PIN1: variants seen among roughly 807,000 people sequenced by gnomAD.
The protein encoded by PIN1 is peptidylprolyl cis/trans isomerase, NIMA-interacting 1.
A neutral mutation model predicts 19.9 loss-of-function variants in PIN1; 8 were observed. The ratio of observed to expected loss-of-function variants is 0.40; its 90% CI spans 0.24 to 0.72. PIN1 has a LOEUF of 0.72. PIN1 is among the 30% of genes least tolerant of loss of function. The pLI is 0.37. For synonymous variants in PIN1, 86 were observed against 90.8 expected, an observed-to-expected ratio of 0.95 and a Z score of 0.30; for missense variants, 185 against 226.5, an observed-to-expected ratio of 0.82 and a Z score of 1.18.
chr19:9,835,741 A>G lies in PIN1; in HGVS notation c.58+339A>G, dbSNP rs548854574. On this transcript the variant is annotated intron_variant, in intron 1 of 3. Transcript: ENST00000247970. ...TCTGCACCTTGCTGGGCCCGGGGGC[A>G]CCCCTGGGAGGGAGACACCCCAGTA... The G allele has an allele frequency of 4.1e-4, 141 of 342,868 alleles. 1 individual carries two copies. The highest frequency in any genetic ancestry group is 2.4e-3 in the South Asian group (40 of 16,700). 21.2% of individuals were successfully genotyped at this position (342,868 alleles called of 1,614,324 possible). A position where few individuals can be genotyped will look rare whatever the true frequency, so the allele number is the denominator to read the frequency against.
intron 3 of PIN1, among the ~76,000 whole-genome samples, 173 bp from the exon 4 acceptor site, chr19:9,848,917 C>T (rs1262389844): frequency 6.6e-6 from 1 of 152,164 alleles, no homozygotes; most frequent in Non-Finnish European, 1.5e-5. Context: ...CCTGCCACCC[C>T]CAGCTGGGCC....
chr19:9,839,910 G>A (rs2046147834), intron 2 of PIN1, among the ~76,000 whole-genome samples: 1 of 152,056 alleles, frequency 6.6e-6, no homozygotes, highest in Admixed American at 6.6e-5. Context: ...TGAGGTGGGA[G>A]GATCCTTTGA....
intron 3 of PIN1, among the ~76,000 whole-genome samples, chr19:9,848,832 A>C (rs2046246505): frequency 6.6e-6 from 1 of 152,100 alleles, no homozygotes; most frequent in Non-Finnish European, 1.5e-5. Flanking sequence ...TGGCCCCTAA[A>C]TGCACGGCGG....
intron 2 of PIN1, among the ~76,000 whole-genome samples, chr19:9,840,657 G>A (rs1248002285): frequency 1.3e-5 from 2 of 152,174 alleles, no homozygotes; most frequent in African/African-American, 4.8e-5. Context: ...CTGGAGTGCA[G>A]TGTTCATAGC....
intron 2 of PIN1, 102 bp from the exon 3 acceptor site, chr19:9,847,928 G>A: frequency 2.6e-6 from 2 of 767,072 alleles, no homozygotes; most frequent in Non-Finnish European, 4.7e-6. Flanking sequence ...TCCAACTGAA[G>A]TGCTGCCTCC....
chr19:9,848,239 G>A (rs754501467), intron 3 of PIN1, 99 bp downstream of exon 3: 27 of 728,038 alleles, frequency 3.7e-5, no homozygotes, highest in African/African-American at 3.1e-4. Context: ...GTGCCACACC[G>A]GCCTTCGGGG....
chr19:9,847,012 G>A (rs557289444), intron 2 of PIN1, among the ~76,000 whole-genome samples: 14 of 152,232 alleles, frequency 9.2e-5, no homozygotes, highest in East Asian at 3.9e-4. Flanking sequence ...AGGGACGCCC[G>A]TTTGTGTCAG....
chr19:9,849,209 G>A lies in PIN1; in HGVS notation c.*10G>A, dbSNP rs1454314296. ...CCTCCGCACTGAGTGAGGGTGGGGA[G>A]CCCAGGCCTGGCCTCGGGGCAGGGC... On this transcript the variant is annotated 3_prime_UTR_variant, in exon 4 of 4. Transcript: ENST00000247970. 1 of 1,587,960 alleles carries A rather than the reference G, an allele frequency of 6.3e-7. No homozygotes were observed. Among genetic ancestry groups the A allele is most frequent in the Non-Finnish European group, 8.6e-7 (1 of 1,160,148 alleles).
At position 9,838,550 on chromosome 19, in the gene PIN1, C is replaced by T; in HGVS notation, c.173C>T (p.Ser58Leu). The T allele has an allele frequency of 2.5e-6, 4 of 1,585,174 alleles. No homozygotes were observed. The highest frequency in any genetic ancestry group is 2.3e-5 in the East Asian group (1 of 43,900). ...GGGGAGCCTGCCAGGGTCCGCTGCTCGCACCTGCTGGTGAAGCACAGCCAG... is the reference window on the plus strand; with the variant it reads ...GGGGAGCCTGCCAGGGTCCGCTGCTTGCACCTGCTGGTGAAGCACAGCCAG... ...GQGEPARVRC[S>L]HLLVKHSQSR... Residue 58 changes from serine to leucine, a missense_variant, in exon 2 of 4, where the codon TCG (serine) becomes TTG (leucine). Transcript: ENST00000247970. This position sits in a 1 kb window ranked among gnomAD's most constrained non-coding sequence, Gnocchi z 5.8.
intron 2 of PIN1, among the ~76,000 whole-genome samples, chr19:9,847,742 G>A (rs1599455616): frequency 6.6e-6 from 1 of 152,176 alleles, no homozygotes; most frequent in Admixed American, 6.5e-5. Context: ...GCGGGAGCAG[G>A]GATGTGAGAC....
intron 2 of PIN1, 36 bp from the exon 3 acceptor site, chr19:9,847,994 C>T (rs756874277): frequency 7.2e-7 from 1 of 1,392,272 alleles, no homozygotes; most frequent in Admixed American, 1.7e-5. Context: ...CCCCCAACCC[C>T]TGACCTGGCA....
intron 2 of PIN1, among the ~76,000 whole-genome samples, chr19:9,845,750 G>A (rs1251877617): frequency 6.6e-6 from 1 of 152,220 alleles, no homozygotes; most frequent in East Asian, 1.9e-4. Flanking sequence ...TTTTTAAGTG[G>A]TATGGCTTGC....
intron 2 of PIN1, among the ~76,000 whole-genome samples, chr19:9,841,900 C>G (rs771426845): frequency 1.3e-5 from 2 of 152,106 alleles, no homozygotes; most frequent in Non-Finnish European, 2.9e-5. Flanking sequence ...AGCAGCCAGG[C>G]GCAGGACAGA....
Position 9,835,525 on chromosome 19 carries a change from G to A in PIN1, c.58+123G>A. On this transcript the variant is annotated intron_variant, in intron 1 of 3. Transcript: ENST00000247970. ...CATGGGGTCCTGGCTCTTCCGCGTC[G>A]TCCCCGGGGTAACGGCCCCGGCCCG... is the stretch of plus-strand genomic sequence containing the variant. 3 of 696,850 alleles carry A rather than the reference G, an allele frequency of 4.3e-6. No homozygotes were observed. In the East Asian group the frequency reaches 1.0e-4, roughly 24 times the overall value. The allele number at this position is 696,850 out of a possible 1,614,324, so 43.2% of individuals were successfully genotyped here. A position where few individuals can be genotyped will look rare whatever the true frequency, so the allele number is the denominator to read the frequency against.
chr19:9,845,511 A>C (rs948056667), intron 2 of PIN1, among the ~76,000 whole-genome samples: 3 of 152,114 alleles, frequency 2.0e-5, no homozygotes, highest in African/African-American at 7.2e-5. Flanking sequence ...GCGTTTTAAA[A>C]AAAAAAATCA....
intron 2 of PIN1, among the ~76,000 whole-genome samples, chr19:9,847,704 GCA>G (rs1491123421): frequency 3.3e-4 from 39 of 117,926 alleles, no homozygotes; most frequent in East Asian, 2.0e-3. Context: ...GTGTGTGTGT[GCA>G]TGTGTGTGTG....
At chr19:9,841,860 G>A (rs559454411) in intron 2 of PIN1, among the ~76,000 whole-genome samples, 57 of 152,300 alleles carry the variant, frequency 3.7e-4, no homozygotes, top group Middle Eastern at 3.4e-3. Flanking sequence ...GGGATGGAGC[G>A]GCATGAAGTG....
At position 9,849,393 on chromosome 19, in the gene PIN1, G is replaced by C. The variant is rs532486600; in HGVS notation, c.*194G>C. 1.4e-6 allele frequency: 1 copy of C among 721,696 alleles called. No homozygotes were observed. Among genetic ancestry groups the C allele is most frequent in the African/African-American group, 1.7e-5 (1 of 58,218 alleles). 44.7% of individuals were successfully genotyped at this position (721,696 alleles called of 1,614,324 possible). A position where few individuals can be genotyped will look rare whatever the true frequency, so the allele number is the denominator to read the frequency against. ...GGTCCCCACTCCCTGTCCATCCCCA[G>C]TTGGGGCTGCGACCGCCAGATTCTC... On this transcript the variant is annotated 3_prime_UTR_variant, in exon 4 of 4. Transcript: ENST00000247970.
chr19:9,841,025 A>G lies in PIN1; in HGVS notation c.271+2377A>G, dbSNP rs140171890. On this transcript the variant is annotated intron_variant, in intron 2 of 3. Coordinates refer to ENST00000247970, the MANE Select transcript of PIN1 (RefSeq NM_006221.4). The stretch of plus-strand genomic sequence containing the variant: ...TCCTGGCATCGGTAAATGTTCTGTC[A>G]TTGTTAGTGGTCACTGTCATTGCTG... Among the ~76,000 whole-genome samples, 20 of 152,330 alleles carry G rather than the reference A, an allele frequency of 1.3e-4. No homozygotes were observed. In the East Asian group the frequency reaches 3.9e-3, roughly 29 times the overall value.
Sources: allele counts gnomAD v4.1 joint callset (sites outside exome capture counted in the v4.1 genomes callset), GRCh38; gene constraint gnomAD v4.1.1; non-coding constraint Gnocchi (gnomAD v3.1); transcripts MANE v1.5; gene names NCBI Gene and HGNC (gene_info 2026-07-23, HGNC 2026-07-21).